FOXP2: variants seen among roughly 807,000 people sequenced by gnomAD.
FOXP2 encodes forkhead box protein P2.
A neutral mutation model predicts 115.8 loss-of-function variants in FOXP2; 12 were observed. The observed-to-expected ratio is 0.10, with a 90% confidence interval of 0.07 to 0.17. FOXP2 has a LOEUF of 0.17. Among genes scored for constraint, FOXP2 ranks in the 10% least tolerant of loss-of-function variants. FOXP2 has a pLI of 1.00. For missense variants in FOXP2, 629 were observed against 843.5 expected (o/e 0.75, Z 3.15); for synonymous variants, 328 against 297.7 (o/e 1.10, Z -1.05).
chr7:114,263,821 T>C (rs768398730), intron 1 of FOXP2, among the ~76,000 whole-genome samples: 28 of 152,006 alleles, frequency 1.8e-4, no homozygotes, highest in Non-Finnish European at 2.9e-4. Flanking sequence ...GTATACACTC[T>C]GTCGGCCTCG....
chr7:114,275,236 A>G (rs1006933727), intron 1 of FOXP2, among the ~76,000 whole-genome samples: 2 of 152,100 alleles, frequency 1.3e-5, no homozygotes, highest in African/African-American at 4.8e-5. Flanking sequence ...ATTATTGTGT[A>G]GAATATTTAT....
chr7:114,236,863 G>C (rs1795020266), intron 1 of FOXP2, among the ~76,000 whole-genome samples: 1 of 152,086 alleles, frequency 6.6e-6, no homozygotes, highest in Non-Finnish European at 1.5e-5. Context: ...TGTAATCCCA[G>C]CTACTCGGGA....
In FOXP2 at chr7:114,448,716, G is replaced by T. The variant is rs369512586; in HGVS notation, c.168+22037G>T. 1.6e-4 allele frequency among the ~76,000 whole-genome samples: 24 copies of T among 152,198 alleles called. No individual in the cohort carries two copies. The East Asian group carries it at 4.6e-3, about 29-fold the overall frequency. ...ACACACAGTGCCATATTCATAGTTTGTGAGGGTAAACTCGGTATTTAATTA... is the reference window on the plus strand; with the variant it reads ...ACACACAGTGCCATATTCATAGTTTTTGAGGGTAAACTCGGTATTTAATTA... On this transcript the variant is annotated intron_variant, in intron 2 of 16. Coordinates refer to ENST00000350908, the MANE Select transcript of FOXP2 (RefSeq NM_014491.4).
chr7:114,637,051 G>A (rs1317471052), intron 6 of FOXP2, among the ~76,000 whole-genome samples: 2 of 152,068 alleles, frequency 1.3e-5, no homozygotes, highest in African/African-American at 4.8e-5. Flanking sequence ...ACGTATGCCT[G>A]TGGTCGGTCA....
chr7:114,599,952 C>G (rs1447862139), intron 3 of FOXP2, among the ~76,000 whole-genome samples: 2 of 152,130 alleles, frequency 1.3e-5, no homozygotes, highest in African/African-American at 2.4e-5. Flanking sequence ...ACTCCCCACC[C>G]TCAGTTTCCC....
chr7:114,241,956 T>C (rs2129167736), intron 1 of FOXP2, among the ~76,000 whole-genome samples: 1 of 150,670 alleles, frequency 6.6e-6, no homozygotes, highest in Non-Finnish European at 1.5e-5. Context: ...TAATACAAGA[T>C]AAAAATTTTG....
At chr7:114,391,588 G>T (rs983275646) in intron 2 of FOXP2, among the ~76,000 whole-genome samples, 5 of 152,192 alleles carry the variant, frequency 3.3e-5, no homozygotes, top group Non-Finnish European at 5.9e-5. Context: ...TGCCTGGCTT[G>T]TTCCAAGGTC....
intron 1 of FOXP2, among the ~76,000 whole-genome samples, chr7:114,278,739 T>C (rs1033025453): frequency 6.6e-6 from 1 of 152,190 alleles, no homozygotes; most frequent in Non-Finnish European, 1.5e-5. Flanking sequence ...TATTGTAAAA[T>C]GAGCATATTT....
intron 1 of FOXP2, among the ~76,000 whole-genome samples, chr7:114,169,501 G>A (rs1584520473): frequency 6.6e-6 from 1 of 152,172 alleles, no homozygotes; most frequent in Non-Finnish European, 1.5e-5. Context: ...TTTTCCCAAT[G>A]CCTGTATCTT....
At chr7:114,450,692 G>T (rs1040876823) in intron 2 of FOXP2, among the ~76,000 whole-genome samples, 1 of 151,874 alleles carries the variant, frequency 6.6e-6, no homozygotes, top group African/African-American at 2.4e-5. Flanking sequence ...TTTCTGTAAT[G>T]CACATCAGTT....
chr7:114,310,986 T>G lies in FOXP2; in HGVS notation c.-11+22877T>G, dbSNP rs147483040. ...TCTTGTGTTACTTCTCCCCGATTCT[T>G]CCCTTGGGGTGGGCTGTCTGCCTGC... On this transcript the variant is annotated intron_variant, in intron 2 of 17. Coordinates refer to the FOXP2 transcript ENST00000634411. 2.0e-3 allele frequency among the ~76,000 whole-genome samples: 311 copies of G among 152,234 alleles called. 3 individuals carry two copies. Among genetic ancestry groups the G allele is most frequent in the African/African-American group, 6.5e-3 (268 of 41,546 alleles).
chr7:114,549,413 A>T (rs1800092679), intron 3 of FOXP2, among the ~76,000 whole-genome samples: 1 of 152,056 alleles, frequency 6.6e-6, no homozygotes, highest in Non-Finnish European at 1.5e-5. Flanking sequence ...GGTTTGGGGG[A>T]ATAGAAGGAG....
chr7:114,428,437 A>C (rs771210277), intron 2 of FOXP2, among the ~76,000 whole-genome samples: 1 of 151,568 alleles, frequency 6.6e-6, no homozygotes, highest in Non-Finnish European at 1.5e-5. Flanking sequence ...AACCATAAAC[A>C]AGAGTAAACA....
At chr7:114,480,745 G>T (rs1321287111) in intron 2 of FOXP2, among the ~76,000 whole-genome samples, 3 of 150,010 alleles carry the variant, frequency 2.0e-5, no homozygotes, top group Non-Finnish European at 4.5e-5. Flanking sequence ...ATATGTGTAT[G>T]TATGTATACG....
chr7:114,329,762 C>T (rs888528524), intron 2 of FOXP2, among the ~76,000 whole-genome samples: 11 of 151,814 alleles, frequency 7.2e-5, no homozygotes, highest in East Asian at 3.9e-4. Context: ...CTGCAACCTC[C>T]GCCTCCAGTG....
chr7:114,297,132 CT>C, intron 2 of FOXP2: 1 of 483,116 alleles, frequency 2.1e-6, no homozygotes, highest in South Asian at 1.6e-5. Flanking sequence ...TTGGCAGCGA[CT>C]TTCCTCATGG....
intron 8 of FOXP2, among the ~76,000 whole-genome samples, chr7:114,646,225 A>C (rs2129335271): frequency 6.6e-6 from 1 of 152,116 alleles, no homozygotes; most frequent in African/African-American, 2.4e-5. Flanking sequence ...TTTTTTAAGA[A>C]TGGCAAATTA....
At chr7:114,106,451 C>T (rs942909879) in intron 1 of FOXP2, among the ~76,000 whole-genome samples, 2 of 150,872 alleles carry the variant, frequency 1.3e-5, no homozygotes, top group African/African-American at 2.4e-5. Flanking sequence ...GGATGGGCAA[C>T]TTGTTTTGCT....
Position 114,468,414 on chromosome 7 carries a change from T to A in FOXP2, c.168+41735T>A, listed in dbSNP as rs1434709589. Among the ~76,000 whole-genome samples the A allele has an allele frequency of 3.3e-5, 5 of 152,282 alleles. No individual in the cohort carries two copies. In the East Asian group the frequency reaches 9.7e-4, roughly 29 times the overall value. ...AATTCTTCAATTGTTTATTATTACC[T>A]TCAGGATAAAATCCAAACTACTTAA... On this transcript the variant is annotated intron_variant, in intron 2 of 16. Transcript: ENST00000350908.
Sources: allele counts gnomAD v4.1 joint callset (sites outside exome capture counted in the v4.1 genomes callset), GRCh38; gene constraint gnomAD v4.1.1; transcripts MANE v1.5; gene names NCBI Gene and HGNC (gene_info 2026-07-23, HGNC 2026-07-21).